MALRD1: variants seen among roughly 807,000 people sequenced by gnomAD.
MALRD1 encodes MAM and LDL-receptor class A domain-containing protein 1.
Under a neutral mutation model 242.1 loss-of-function variants are expected in MALRD1, and 247 were observed. The observed-to-expected ratio is 1.02, with a 90% CI of 0.92 to 1.13. The LOEUF is 1.13. MALRD1 is among the 50% of genes most tolerant of loss of function. The pLI is 0.00. For synonymous variants in MALRD1, 995 were observed against 866.6 expected, an observed-to-expected ratio of 1.15 and a Z score of -2.60; for missense variants, 2,989 against 2,533.1, an observed-to-expected ratio of 1.18 and a Z score of -3.86.
At chr10:19,358,421 T>C (rs1159503947) in intron 26 of MALRD1, among the ~76,000 whole-genome samples, 1 of 152,184 alleles carries the variant, frequency 6.6e-6, no homozygotes, top group Admixed American at 6.6e-5. Flanking sequence ...GTGATGAGAA[T>C]GCTGGTGTAG....
rs766612289 is a variant in MALRD1 at position 19,283,143 on chromosome 10, T to C, written c.3381T>C (p.His1127=). 1 of 1,548,984 alleles carries C rather than the reference T, an allele frequency of 6.5e-7. No individual in the cohort carries two copies. The highest frequency in any genetic ancestry group is 1.2e-5 in the South Asian group (1 of 83,924). Residue 1127 remains histidine (H), a synonymous_variant, in exon 21 of 40, where the codon CAT becomes CAC. Transcript: ENST00000454679. The part of the protein sequence containing the change: ...WGLGNGISIH[H]GEENHRPSVD... ...TTGGGAACGGGATCAGCATTCATCA[T>C]GGGGAAGAAAACCACAGGCCATCAG...
At chr10:19,718,911 A>C (rs1834551303) in intron 38 of MALRD1, among the ~76,000 whole-genome samples, 1 of 151,690 alleles carries the variant, frequency 6.6e-6, no homozygotes, top group African/African-American at 2.4e-5. Context: ...TCATGCCTTT[A>C]ATCCCAGTGC....
chr10:19,099,049 G>A (rs936192753), intron 4 of MALRD1, among the ~76,000 whole-genome samples: 1 of 152,126 alleles, frequency 6.6e-6, no homozygotes, highest in Admixed American at 6.5e-5. Flanking sequence ...TCTCTAACTG[G>A]CTGGTGCCAT....
At chr10:19,702,332 C>G (rs931505692) in intron 38 of MALRD1, among the ~76,000 whole-genome samples, 1 of 152,278 alleles carries the variant, frequency 6.6e-6, no homozygotes, top group East Asian at 1.9e-4. Context: ...AAGCATATGA[C>G]TATTCATGCC....
intron 28 of MALRD1, among the ~76,000 whole-genome samples, chr10:19,426,277 G>T (rs1224663648): frequency 6.6e-6 from 1 of 152,010 alleles, no homozygotes; most frequent in Non-Finnish European, 1.5e-5. Context: ...TAGAGAGCTG[G>T]ATTATTTCTG....
chr10:19,695,775 C>A lies in MALRD1; in HGVS notation c.6314+3221C>A, dbSNP rs141534595. 9.7e-3 allele frequency among the ~76,000 whole-genome samples: 1,480 copies of A among 152,216 alleles called. 23 individuals carry two copies. Among genetic ancestry groups the A allele is most frequent in the Non-Finnish European group, 9.4e-3 (640 of 68,010 alleles). ...TCCTGACCTCGTAATCCACCTGCCT[C>A]AGCCTCCCAAAGTGCTGGGATTACA... is the stretch of plus-strand genomic sequence containing the variant. On this transcript the variant is annotated intron_variant, in intron 38 of 39. Coordinates refer to ENST00000454679, the MANE Select transcript of MALRD1 (RefSeq NM_001142308.3).
chr10:19,267,193 A>G (rs748215089), intron 19 of MALRD1, among the ~76,000 whole-genome samples: 1 of 152,038 alleles, frequency 6.6e-6, no homozygotes, highest in Admixed American at 6.6e-5. Context: ...AAATTTTCAG[A>G]TATCAGCATG....
rs138564723 is a variant in MALRD1, at chr10:19,551,225, G to T, written c.5479-16277G>T. On this transcript the variant is annotated intron_variant, in intron 32 of 39. Transcript: ENST00000454679. ...ATATTAGACCTTTATAAGATGCACA[G>T]TATGCAAATATTTCCTCCCATCGTC... Among the ~76,000 whole-genome samples, 563 of 152,148 alleles carry T rather than the reference G, an allele frequency of 3.7e-3. 4 individuals are homozygous for T. The highest frequency in any genetic ancestry group is 0.013 in the African/African-American group (530 of 41,512).
intron 31 of MALRD1, among the ~76,000 whole-genome samples, chr10:19,522,768 A>G (rs1353942175): frequency 6.6e-6 from 1 of 152,206 alleles, no homozygotes; most frequent in African/African-American, 2.4e-5. Context: ...TCCCAAAGTC[A>G]CAAAGCTTAT....
intron 24 of MALRD1, among the ~76,000 whole-genome samples, chr10:19,336,401 T>C (rs10827282): frequency 0.58 from 88,280 of 151,994 alleles, 25,824 homozygotes; most frequent in Middle Eastern, 0.61. Flanking sequence ...ACCAACACAG[T>C]CAGTGATCTG....
intron 5 of MALRD1, among the ~76,000 whole-genome samples, chr10:19,121,744 A>G (rs537351514): frequency 1.5e-3 from 230 of 152,298 alleles, no homozygotes; most frequent in Non-Finnish European, 2.4e-3. Flanking sequence ...GGGGCAAAGC[A>G]TGTGGACAGC....
intron 31 of MALRD1, among the ~76,000 whole-genome samples, chr10:19,504,078 A>G (rs192245972): frequency 3.3e-5 from 5 of 152,360 alleles, no homozygotes; most frequent in Admixed American, 3.3e-4. Flanking sequence ...TAAGACATAT[A>G]GTATTCAATA....
chr10:19,547,392 C>G (rs529199746), intron 32 of MALRD1, among the ~76,000 whole-genome samples: 2 of 152,060 alleles, frequency 1.3e-5, no homozygotes, highest in Non-Finnish European at 2.9e-5. Flanking sequence ...CACCCAGTCA[C>G]TAGGGATTAG....
chr10:19,510,072 A>G (rs1160204949), intron 31 of MALRD1, among the ~76,000 whole-genome samples: 1 of 152,170 alleles, frequency 6.6e-6, no homozygotes, highest in African/African-American at 2.4e-5. Context: ...GGAAAACGTG[A>G]ACAAATGTCT....
At chr10:19,205,426 G>A (rs1487752035) in intron 17 of MALRD1, among the ~76,000 whole-genome samples, 161 bp downstream of exon 17, 1 of 151,204 alleles carries the variant, frequency 6.6e-6, no homozygotes, top group African/African-American at 2.4e-5. Flanking sequence ...GTATTTTTAA[G>A]AGGATTTATT....
chr10:19,341,499 T>C (rs1843863772), intron 24 of MALRD1, among the ~76,000 whole-genome samples: 1 of 142,914 alleles, frequency 7.0e-6, no homozygotes, highest in African/African-American at 2.7e-5. Context: ...TATATGTATA[T>C]ATGTATATAT....
At position 19,088,090 on chromosome 10, in the gene MALRD1, G is replaced by A; in HGVS notation, c.502G>A (p.Gly168Arg). 4.9e-6 allele frequency: 6 copies of A among 1,233,556 alleles called. No individual in the cohort carries two copies. Among genetic ancestry groups the A allele is most frequent in the Non-Finnish European group, 6.1e-6 (6 of 987,908 alleles). The allele number at this position is 1,233,556 out of a possible 1,614,324, so 76.4% of individuals were successfully genotyped here. A position where few individuals can be genotyped will look rare whatever the true frequency, so the allele number is the denominator to read the frequency against. ...KLMVGLQTAC[G>R]GPIQHLWQNT... ...AATGGTTGGGCTTCAAACTGCATGTGGAGGTCCTATTCAGCATTTATGGCA... is the reference window on the plus strand; with the variant it reads ...AATGGTTGGGCTTCAAACTGCATGTAGAGGTCCTATTCAGCATTTATGGCA... The change falls in exon 4 of 40, where the codon GGA (glycine) becomes AGA (arginine). Residue 168 changes from glycine (G) to arginine (R), a missense_variant. Coordinates refer to ENST00000454679, the MANE Select transcript of MALRD1 (RefSeq NM_001142308.3).
chr10:19,547,798 ATATATATATATATATATATATT>A (rs1835278078), intron 32 of MALRD1, among the ~76,000 whole-genome samples: 1 of 12,338 alleles, frequency 8.1e-5, no homozygotes, highest in African/African-American at 2.3e-4. Context: ...ATATATATAT[ATATATATATATATATATATATT>A]TTTTTTTTTT....
At chr10:19,401,118 C>T (rs977613842) in intron 28 of MALRD1, among the ~76,000 whole-genome samples, 1 of 151,830 alleles carries the variant, frequency 6.6e-6, no homozygotes, top group Admixed American at 6.6e-5. Context: ...ATTGAGTGGC[C>T]CCTGAATTCA....
Sources: allele counts gnomAD v4.1 joint callset (sites outside exome capture counted in the v4.1 genomes callset), GRCh38; gene constraint gnomAD v4.1.1; transcripts MANE v1.5; gene names NCBI Gene and HGNC (gene_info 2026-07-23, HGNC 2026-07-21).